The following VOPP1 variants were observed in gnomAD, a reference collection of about 807,000 sequenced individuals.
VOPP1 encodes WW domain binding protein VOPP1.
In VOPP1, 8 loss-of-function variants were observed where a neutral mutation model predicts 23.5. The observed-to-expected ratio is 0.34, with a 90% CI of 0.20 to 0.61. The LOEUF is 0.61. Ranked by LOEUF, VOPP1 falls within the 20% of genes least tolerant of loss-of-function variation. The pLI, the probability that VOPP1 is intolerant of heterozygous loss-of-function variation, is 0.78. For missense variants in VOPP1, 174 were observed against 238.1 expected (o/e 0.73, Z 1.77); for synonymous variants, 83 against 97.3 (o/e 0.85, Z 0.86).
At chr7:55,516,045 G>A in intron 2 of VOPP1, 1 of 985,378 alleles carries the variant, frequency 1.0e-6, no homozygotes, top group Non-Finnish European at 1.2e-6. Flanking sequence ...CTCAACTCGA[G>A]GAGAGAATGC....
chr7:55,498,080 C>T (rs141510667), intron 2 of VOPP1, among the ~76,000 whole-genome samples: 1,675 of 152,326 alleles, frequency 0.011, 11 homozygotes, highest in Middle Eastern at 0.02. Flanking sequence ...CTTCAGTCCC[C>T]GACTACGGGG....
intron 2 of VOPP1, among the ~76,000 whole-genome samples, chr7:55,502,703 T>C (rs1369154590): frequency 1.3e-5 from 2 of 152,162 alleles, no homozygotes; most frequent in Non-Finnish European, 2.9e-5. Context: ...GTAGTAAACA[T>C]TACCAGGCAG....
chr7:55,530,422 G>A (rs112404704), intron 1 of VOPP1, among the ~76,000 whole-genome samples: 2 of 152,246 alleles, frequency 1.3e-5, no homozygotes, highest in East Asian at 1.9e-4. Flanking sequence ...GATCCACTAG[G>A]TGCTTTTCAT....
chr7:55,571,347 T>A (rs1051702873), intron 1 of VOPP1, among the ~76,000 whole-genome samples: 5 of 152,222 alleles, frequency 3.3e-5, no homozygotes, highest in African/African-American at 1.2e-4. Context: ...CACTAACTAT[T>A]AAGGAAGATA....
At chr7:55,540,109 TG>T (rs1797051103) in intron 1 of VOPP1, among the ~76,000 whole-genome samples, 2 of 151,886 alleles carry the variant, frequency 1.3e-5, no homozygotes, top group African/African-American at 4.8e-5. Flanking sequence ...ATAAAATAAA[TG>T]AACTCCCAGC....
chr7:55,525,293 T>A (rs1415204310), intron 1 of VOPP1, among the ~76,000 whole-genome samples: 1 of 151,940 alleles, frequency 6.6e-6, no homozygotes, highest in African/African-American at 2.4e-5. Context: ...ATCGAGACTA[T>A]CCTGCCTAAC....
chr7:55,487,733 T>G (rs1045955267), intron 4 of VOPP1, among the ~76,000 whole-genome samples: 16 of 152,250 alleles, frequency 1.1e-4, no homozygotes, highest in African/African-American at 3.6e-4. Flanking sequence ...TGAACTTTAA[T>G]GGCCACATAA....
intron 1 of VOPP1, among the ~76,000 whole-genome samples, chr7:55,570,264 T>C (rs1249608778): frequency 2.6e-5 from 4 of 152,198 alleles, no homozygotes; most frequent in African/African-American, 9.7e-5. Flanking sequence ...AGAAATCTCC[T>C]TAACTCCTCA....
intron 4 of VOPP1, among the ~76,000 whole-genome samples, chr7:55,477,515 G>A (rs1201812991): frequency 6.6e-6 from 1 of 152,216 alleles, no homozygotes; most frequent in African/African-American, 2.4e-5. Flanking sequence ...GTCGAGGGGA[G>A]GATCCCAACC....
rs145106515 is a variant in VOPP1, at chr7:55,565,687, C to T, written c.54+6584G>A. Among the ~76,000 whole-genome samples, 10 of 152,290 alleles carry T rather than the reference C, an allele frequency of 6.6e-5. No individual in the cohort carries two copies. In the East Asian group the frequency reaches 1.9e-3, roughly 29 times the overall value. On this transcript the variant is annotated intron_variant, in intron 1 of 4. Coordinates refer to ENST00000285279, the MANE Select transcript of VOPP1 (RefSeq NM_030796.5). The stretch of plus-strand genomic sequence containing the variant: ...GTGAGGTGTGGTGGATTAGCAGCAG[C>T]ACATGTTAAAAAGATTTCGGTCTCA...
At chr7:55,561,748 C>CAAA (rs372739310) in intron 1 of VOPP1, 232 of 300,592 alleles carry the variant, frequency 7.7e-4, no homozygotes, top group Middle Eastern at 1.9e-3. Flanking sequence ...TCCCCTCTTC[C>CAAA]AAAAAAAAAA....
At chr7:55,447,931 A>G (rs1234743235) in intron 4 of VOPP1, among the ~76,000 whole-genome samples, 1 of 152,202 alleles carries the variant, frequency 6.6e-6, no homozygotes, top group Non-Finnish European at 1.5e-5. Flanking sequence ...CTAAATCATT[A>G]TAATTACAAC....
At chr7:55,553,156 A>C (rs546589442) in intron 1 of VOPP1, among the ~76,000 whole-genome samples, 4 of 152,370 alleles carry the variant, frequency 2.6e-5, no homozygotes, top group Non-Finnish European at 5.9e-5. Context: ...ATTATATCTC[A>C]TAATCTCATT....
intron 1 of VOPP1, among the ~76,000 whole-genome samples, chr7:55,530,350 T>A (rs1428029164): frequency 6.6e-6 from 1 of 152,160 alleles, no homozygotes; most frequent in African/African-American, 2.4e-5. Context: ...GATGTAAGAC[T>A]CTTTTCATTC....
chr7:55,565,486 A>G (rs561263466), intron 1 of VOPP1, among the ~76,000 whole-genome samples: 136 of 152,380 alleles, frequency 8.9e-4, no homozygotes, highest in African/African-American at 3.1e-3. Flanking sequence ...CAACAGGAGT[A>G]TAATCAAATC....
chr7:55,469,790 T>C (rs1791728779), downstream of VOPP1, among the ~76,000 whole-genome samples: 1 of 152,208 alleles, frequency 6.6e-6, no homozygotes, highest in African/African-American at 2.4e-5. Flanking sequence ...TTCAATATAC[T>C]TGTGTGCACT....
At chr7:55,443,763 G>A (rs541272035) in intron 4 of VOPP1, among the ~76,000 whole-genome samples, 25 of 149,282 alleles carry the variant, frequency 1.7e-4, no homozygotes, top group African/African-American at 4.2e-4. Flanking sequence ...TCCTCCCTCA[G>A]CCTCCTGAGT....
intron 1 of VOPP1, among the ~76,000 whole-genome samples, chr7:55,525,932 G>A (rs1294309917): frequency 6.6e-6 from 1 of 151,932 alleles, no homozygotes; most frequent in East Asian, 1.9e-4. Flanking sequence ...ATTTCTTAAG[G>A]ATCAACCATC....
At chr7:55,568,757 G>C (rs145514626) in intron 1 of VOPP1, among the ~76,000 whole-genome samples, 1 of 152,090 alleles carries the variant, frequency 6.6e-6, no homozygotes, top group Non-Finnish European at 1.5e-5. Flanking sequence ...CATTACTCTC[G>C]GGATTCAACT....
Sources: allele counts gnomAD v4.1 joint callset (sites outside exome capture counted in the v4.1 genomes callset), GRCh38; gene constraint gnomAD v4.1.1; transcripts MANE v1.5; gene names NCBI Gene and HGNC (gene_info 2026-07-23, HGNC 2026-07-21).